CFAP47: variants seen among roughly 807,000 people sequenced by gnomAD.
The protein encoded by CFAP47 is cilia and flagella associated protein 47.
In CFAP47, 29 loss-of-function variants were observed where a neutral mutation model predicts 148.1. The observed-to-expected ratio is 0.20, with a 90% CI of 0.15 to 0.27. The LOEUF is 0.27. Among genes scored for constraint, CFAP47 ranks in the 10% least tolerant of loss-of-function variants. The probability of loss-of-function intolerance (pLI) is 1.00; values close to 1 mark genes in which losing one functional copy is unlikely to be tolerated. For missense variants in CFAP47, 1,872 were observed against 1,697.5 expected (o/e 1.10, Z -1.81); for synonymous variants, 664 against 577.3 (o/e 1.15, Z -2.15).
chrX:36,127,965 T>G (rs970778089), intron 33 of CFAP47, among the ~76,000 whole-genome samples: 5 of 111,085 alleles, frequency 4.5e-5, no homozygotes, highest in African/African-American at 9.8e-5. Context: ...CTTTGCTGAA[T>G]TTGCTTATCA....
chrX:36,059,110 C>G (rs1312155891), intron 26 of CFAP47, among the ~76,000 whole-genome samples: 2 of 111,533 alleles, frequency 1.8e-5, no homozygotes, highest in African/African-American at 6.5e-5. Context: ...CAGTTCTGAC[C>G]TTGTTTTTGT....
intron 26 of CFAP47, among the ~76,000 whole-genome samples, chrX:36,055,387 A>G (rs1257326946): frequency 9.0e-6 from 1 of 110,765 alleles, no homozygotes; most frequent in Non-Finnish European, 1.9e-5. Context: ...CCCATCATTC[A>G]GTTCCCACTT....
intron 18 of CFAP47, among the ~76,000 whole-genome samples, chrX:35,994,301 C>T (rs1401307029): frequency 2.7e-5 from 3 of 111,509 alleles, no homozygotes; most frequent in Non-Finnish European, 5.7e-5. Context: ...TGATATTAGG[C>T]ACTTCTGTAA....
chrX:36,064,200 A>T lies in CFAP47; in HGVS notation c.4218-1443A>T, dbSNP rs139792609. 4.1e-4 allele frequency among the ~76,000 whole-genome samples: 46 copies of T among 112,666 alleles called. 1 individual carries two copies. The East Asian group carries it at 0.011, about 27-fold the overall frequency. ...AAATTTTGATTGATCACTATGTTTA[A>T]CACAAGTGCACAATTTGTAGAAGTA... On this transcript the variant is annotated intron_variant, in intron 26 of 63. Coordinates refer to ENST00000378653, the MANE Select transcript of CFAP47 (RefSeq NM_001304548.2).
chrX:36,047,183 G>T (rs1937476895), intron 26 of CFAP47, 120 bp downstream of exon 26: 2 of 528,276 alleles, frequency 3.8e-6, no homozygotes, highest in East Asian at 7.7e-5. Flanking sequence ...TGGACATAAA[G>T]ATTATTTCTA....
At chrX:36,003,169 T>C (rs1359198544) in intron 21 of CFAP47, among the ~76,000 whole-genome samples, 1 of 110,551 alleles carries the variant, frequency 9.0e-6, no homozygotes, top group Non-Finnish European at 1.9e-5. Context: ...ATTTTGTTAA[T>C]TTTATTATCC....
At chrX:36,024,345 C>T (rs894575980) in intron 22 of CFAP47, among the ~76,000 whole-genome samples, 2 of 111,761 alleles carry the variant, frequency 1.8e-5, no homozygotes, top group Admixed American at 9.5e-5. Context: ...TTTTGCCTCT[C>T]TTCTCCTCAA....
At chrX:36,267,111 G>C (rs1284363648) in intron 49 of CFAP47, among the ~76,000 whole-genome samples, 1 of 112,149 alleles carries the variant, frequency 8.9e-6, no homozygotes, top group Non-Finnish European at 1.9e-5. Flanking sequence ...CACAGGAACA[G>C]TTGAGATATT....
chrX:35,943,478 CTT>C (rs1345733189), intron 3 of CFAP47, among the ~76,000 whole-genome samples: 2 of 111,193 alleles, frequency 1.8e-5, no homozygotes, highest in Non-Finnish European at 3.8e-5. Flanking sequence ...TTAATAGTCT[CTT>C]ATGGAGTAAA....
At chrX:35,942,379 A>G (rs906112404) in intron 3 of CFAP47, among the ~76,000 whole-genome samples, 5 of 111,343 alleles carry the variant, frequency 4.5e-5, no homozygotes, top group Admixed American at 2.9e-4. Context: ...AATAAAACTC[A>G]TAACCGTTCC....
intron 22 of CFAP47, among the ~76,000 whole-genome samples, chrX:36,031,012 C>A (rs1301039363): frequency 9.2e-6 from 1 of 109,249 alleles, no homozygotes; most frequent in Non-Finnish European, 1.9e-5. Context: ...GATAATTTTC[C>A]TATTTTACTT....
intron 45 of CFAP47, among the ~76,000 whole-genome samples, chrX:36,209,108 A>G (rs1940073029): frequency 1.8e-5 from 2 of 112,521 alleles, no homozygotes; most frequent in African/African-American, 6.4e-5. Context: ...TTAACAGAAT[A>G]TCAAATTAAA....
At chrX:36,001,334 T>G (rs1936912391) in intron 20 of CFAP47, among the ~76,000 whole-genome samples, 1 of 111,639 alleles carries the variant, frequency 9.0e-6, no homozygotes, top group South Asian at 3.7e-4. Flanking sequence ...ACCTAAGATT[T>G]AGTTAATTAC....
chrX:36,121,968 G>T lies in CFAP47; in HGVS notation c.5321-15990G>T, dbSNP rs754456556. Among the ~76,000 whole-genome samples the T allele has an allele frequency of 3.6e-5, 4 of 111,479 alleles. No homozygotes were observed. The East Asian group carries it at 1.1e-3, about 32-fold the overall frequency. On this transcript the variant is annotated intron_variant, in intron 33 of 63. Transcript: ENST00000378653. ...TAGCATTTCTTGTAGAACATGTATG[G>T]TGTTAATGAAATCCCTAAGCTTTTG...
At chrX:35,965,921 A>G (rs986301493) in intron 8 of CFAP47, among the ~76,000 whole-genome samples, 2 of 110,889 alleles carry the variant, frequency 1.8e-5, no homozygotes, top group African/African-American at 6.5e-5. Context: ...ACAGTCTTCT[A>G]TTCCTTCAGA....
chrX:36,027,817 T>C (rs887152274), intron 22 of CFAP47, among the ~76,000 whole-genome samples: 5 of 111,720 alleles, frequency 4.5e-5, no homozygotes, highest in Non-Finnish European at 9.4e-5. Context: ...CTCACTAACA[T>C]CTGTTGTTTT....
rs927759005 is a variant in CFAP47 at position 35,981,698 on chromosome X, G to A, written c.2713+5785G>A. ...CCCAACCTCCATCCTCAAGTAGTACGCAAAGTCTGTTGTCCCCTTCTTTGT... is the reference window on the plus strand; with the variant it reads ...CCCAACCTCCATCCTCAAGTAGTACACAAAGTCTGTTGTCCCCTTCTTTGT... On this transcript the variant is annotated intron_variant, in intron 15 of 63. Coordinates refer to ENST00000378653, the MANE Select transcript of CFAP47 (RefSeq NM_001304548.2). 5.4e-5 allele frequency among the ~76,000 whole-genome samples: 6 copies of A among 110,587 alleles called. No individual in the cohort carries two copies. The East Asian group carries it at 1.4e-3, about 26-fold the overall frequency.
intron 45 of CFAP47, among the ~76,000 whole-genome samples, chrX:36,224,000 G>T (rs992400000): frequency 7.2e-5 from 8 of 110,451 alleles, no homozygotes; most frequent in African/African-American, 2.6e-4. Context: ...TAAAATAAAA[G>T]CTAAAATTAA....
intron 49 of CFAP47, among the ~76,000 whole-genome samples, chrX:36,260,200 A>G (rs1203729069): frequency 1.8e-5 from 2 of 111,758 alleles, no homozygotes; most frequent in South Asian, 7.5e-4. Context: ...ATATGAGCAC[A>G]TAAATTCTTT....
Sources: gnomAD v4.1 joint callset for allele counts (sites outside exome capture counted in the v4.1 genomes callset) on GRCh38, gnomAD v4.1.1 for gene constraint, MANE v1.5 for transcripts, NCBI Gene and HGNC (gene_info 2026-07-23, HGNC 2026-07-21) for gene names.